NFATC4: variants seen among roughly 807,000 people sequenced by gnomAD.
NFATC4 encodes the protein nuclear factor of activated T cells 4, also known as nuclear factor of activated T-cells, cytoplasmic 4.
In NFATC4, 25 loss-of-function variants were observed where a neutral mutation model predicts 73.4. That is an observed-to-expected ratio of 0.34 (90% CI 0.25 to 0.48). The LOEUF is 0.48. Ranked by LOEUF, NFATC4 falls within the 20% of genes least tolerant of loss-of-function variation. NFATC4 has a pLI of 0.99. For synonymous variants in NFATC4, 523 were observed against 510.3 expected, an observed-to-expected ratio of 1.02 and a Z score of -0.34; for missense variants, 1,130 against 1,203.7, an observed-to-expected ratio of 0.94 and a Z score of 0.91.
In NFATC4 at chr14:24,378,040, C is replaced by A; in HGVS notation, c.*335C>A. The A allele has an allele frequency of 2.6e-6, 1 of 386,956 alleles. No homozygotes were observed. The highest frequency in any genetic ancestry group is 4.8e-5 in the East Asian group (1 of 20,678). 24.0% of individuals were successfully genotyped at this position (386,956 alleles called of 1,614,324 possible). On this transcript the variant is annotated 3_prime_UTR_variant, in exon 10 of 10. Coordinates refer to ENST00000250373, the MANE Select transcript of NFATC4 (RefSeq NM_004554.5). ...CTGGGGACAGGTTGATGGTAATAAA[C>A]TGCTCAATGACCAGTGCTTCAGGCT...
intron 1 of NFATC4, chr14:24,368,923 C>G (rs1342750822): frequency 6.5e-5 from 31 of 479,972 alleles, no homozygotes; most frequent in Non-Finnish European, 8.4e-5. Flanking sequence ...CGGCGGCCGC[C>G]GCTCGCACGA....
chr14:24,370,462 C>T lies in NFATC4; in HGVS notation c.1064C>T (p.Pro355Leu), dbSNP rs1007569041. 5.6e-6 allele frequency: 9 copies of T among 1,614,150 alleles called. No individual in the cohort carries two copies. Among genetic ancestry groups the T allele is most frequent in the Non-Finnish European group, 7.6e-6 (9 of 1,180,022 alleles). The change falls in exon 2 of 10, where the codon CCC (proline) becomes CTC (leucine). Residue 355 changes from proline (P) to leucine (L), a missense_variant. Physicochemically the swap from Pro to Leu is moderately conservative, Grantham distance 98. Transcript: ENST00000250373. ...EEPASCNGKL[P>L]LGAEESVAPP... ...CCTGCCTCATGCAATGGGAAGCTGCCCTTGGGAGCAGAGGAGTCTGTGGCT... is the reference window on the plus strand; with the variant it reads ...CCTGCCTCATGCAATGGGAAGCTGCTCTTGGGAGCAGAGGAGTCTGTGGCT...
intron 6 of NFATC4, among the ~76,000 whole-genome samples, chr14:24,374,891 G>C (rs185840810): frequency 1.7e-3 from 266 of 152,236 alleles, no homozygotes; most frequent in Middle Eastern, 3.4e-3. Context: ...CTGAGGGTTT[G>C]AGTTGCCAGC....
chr14:24,378,035 A>G lies in NFATC4; in HGVS notation c.*330A>G. 2.4e-6 allele frequency: 1 copy of G among 408,566 alleles called. No homozygotes were observed. The highest frequency in any genetic ancestry group is 4.5e-6 in the Non-Finnish European group (1 of 220,878). 25.3% of individuals were successfully genotyped at this position (408,566 alleles called of 1,614,324 possible). A position where few individuals can be genotyped will look rare whatever the true frequency, so the allele number is the denominator to read the frequency against. ...GAAAGCTGGGGACAGGTTGATGGTA[A>G]TAAACTGCTCAATGACCAGTGCTTC... On this transcript the variant is annotated 3_prime_UTR_variant, in exon 10 of 10. Transcript: ENST00000250373.
Position 24,370,355 on chromosome 14 carries a change from G to A in NFATC4, c.957G>A (p.Gly319=), listed in dbSNP as rs760319993. The change falls in exon 2 of 10, where the codon GGG becomes GGA. Residue 319 remains glycine, a synonymous_variant. Transcript: ENST00000250373. Reference sequence around the variant, plus strand: ...CCCCTGGTCCCTTTGACTATGTGGGGGCCCCACCAGCTGAGAGCATCCCTC... The same window carrying A: ...CCCCTGGTCCCTTTGACTATGTGGGAGCCCCACCAGCTGAGAGCATCCCTC... ...PGSPGPFDYV[G]APPAESIPQK... The A allele has an allele frequency of 6.2e-7, 1 of 1,613,736 alleles. No individual in the cohort carries two copies. Among genetic ancestry groups the A allele is most frequent in the Non-Finnish European group, 8.5e-7 (1 of 1,179,932 alleles).
chr14:24,376,627 C>T lies in NFATC4; in HGVS notation c.2390C>T (p.Ser797Phe), dbSNP rs1305885085. The change falls in exon 9 of 10, where the codon TCC (serine) becomes TTC (phenylalanine). Residue 797 changes from serine to phenylalanine, a missense_variant. Transcript: ENST00000250373. The surrounding 1 kb of genome is among the most constrained non-coding windows in gnomAD (Gnocchi z 5.0). ...FPSDPYGGRG[S>F]SFSLGLPFSP... ...AGTGACCCGTATGGAGGGCGGGGCT[C>T]CTCTTTCTCCCTGGGGCTGCCATTC... 1 of 1,613,668 alleles carries T rather than the reference C, an allele frequency of 6.2e-7. No individual in the cohort carries two copies.
In NFATC4 at chr14:24,376,000, A is replaced by C. The variant is rs753691970; in HGVS notation, c.1955A>C (p.Glu652Ala). ...GTGACGCTGACCCTGACTGTCCCCG[A>C]GTACAGCAACAAGAGGGTTTCCCGG... ...NEVTLTLTVP[E>A]YSNKRVSRPV... The change falls in exon 8 of 10, where the codon GAG (glutamate) becomes GCG (alanine). Residue 652 changes from glutamate (E) to alanine (A), a missense_variant. By Grantham distance (107) the Glu-to-Ala change is moderately radical. This residue lies in a region of NFATC4 where 390 missense variants were observed against 408.1 expected (regional missense o/e 0.96). Coordinates refer to ENST00000250373, the MANE Select transcript of NFATC4 (RefSeq NM_004554.5). The C allele has an allele frequency of 5.0e-6, 8 of 1,614,006 alleles. No individual in the cohort carries two copies. The highest frequency in any genetic ancestry group is 6.8e-6 in the Non-Finnish European group (8 of 1,179,970).
rs1216005113 is a variant in NFATC4, at chr14:24,376,981, G to C, written c.2641+103G>C. ...GGCTTTTCAGAGATCGGGCATCCCT[G>C]GTCTCTCAGGGCCAGTTGGAGGTTC... On this transcript the variant is annotated intron_variant, in intron 9 of 9. Transcript: ENST00000250373. This position sits in a 1 kb window ranked among gnomAD's most constrained non-coding sequence, Gnocchi z 5.0. 7.0e-7 allele frequency: 1 copy of C among 1,418,556 alleles called. No homozygotes were observed. The highest frequency in any genetic ancestry group is 9.2e-7 in the Non-Finnish European group (1 of 1,090,532). The allele number at this position is 1,418,556 out of a possible 1,614,324, so 87.9% of individuals were successfully genotyped here. A position where few individuals can be genotyped will look rare whatever the true frequency, so the allele number is the denominator to read the frequency against.
chr14:24,368,466 T>C, intron 1 of NFATC4, 26 bp downstream of exon 1: 1 of 1,270,166 alleles, frequency 7.9e-7, no homozygotes, highest in East Asian at 3.2e-5. Context: ...GGAAGGGGTC[T>C]TGGGGTCAGT....
At position 24,376,933 on chromosome 14, in the gene NFATC4, A is replaced by C. The variant is rs1254506324; in HGVS notation, c.2641+55A>C. 1 of 1,462,078 alleles carries C rather than the reference A, an allele frequency of 6.8e-7. No homozygotes were observed. The highest frequency in any genetic ancestry group is 1.4e-5 in the African/African-American group (1 of 69,996). The allele number at this position is 1,462,078 out of a possible 1,614,324, so 90.6% of individuals were successfully genotyped here. A position where few individuals can be genotyped will look rare whatever the true frequency, so the allele number is the denominator to read the frequency against. On this transcript the variant is annotated intron_variant, in intron 9 of 9. Transcript: ENST00000250373. This position sits in a 1 kb window ranked among gnomAD's most constrained non-coding sequence, Gnocchi z 5.0. ...GAGTGTGTGCAAGAGATTGCTCTGC[A>C]TGTTTGCTGAGGGCTGGAGCTGGGC...
In NFATC4 at chr14:24,376,492, C is replaced by CG; in HGVS notation, c.2259dup (p.Pro754AlafsTer14). On this transcript the variant is annotated frameshift_variant, in exon 9 of 10. Transcript: ENST00000250373. LOFTEE classifies it high-confidence loss of function. The surrounding 1 kb of genome is among the most constrained non-coding windows in gnomAD (Gnocchi z 5.0). ...GGCATGCCCCCTCTGTACCCCCAGACGGGGCCCCCACCATCCTACAGACCG... is the reference window on the plus strand; with the variant it reads ...GGCATGCCCCCTCTGTACCCCCAGACGGGGGCCCCCACCATCCTACAGACCG... The CG allele has an allele frequency of 6.2e-7, 1 of 1,613,600 alleles. No homozygotes were observed. The highest frequency in any genetic ancestry group is 8.5e-7 in the Non-Finnish European group (1 of 1,179,738).
rs2042645780 is a variant in NFATC4 at position 24,377,119 on chromosome 14, C to T, written c.2641+241C>T. ...CTCCTGTCTCTGCCTCTGTCCTCTG[C>T]TCCAAATCATAAAATCTCAGAGCTA... On this transcript the variant is annotated intron_variant, in intron 9 of 9. Transcript: ENST00000250373. This position sits in a 1 kb window ranked among gnomAD's most constrained non-coding sequence, Gnocchi z 4.2. 5.4e-6 allele frequency: 7 copies of T among 1,301,218 alleles called. No homozygotes were observed. Among genetic ancestry groups the T allele is most frequent in the Non-Finnish European group, 5.8e-6 (6 of 1,030,068 alleles). The allele number at this position is 1,301,218 out of a possible 1,614,324, so 80.6% of individuals were successfully genotyped here. A position where few individuals can be genotyped will look rare whatever the true frequency, so the allele number is the denominator to read the frequency against.
Position 24,376,068 on chromosome 14 carries a change from C to T in NFATC4, c.2023C>T (p.Arg675Cys), listed in dbSNP as rs749530059. Residue 675 changes from arginine to cysteine, a missense_variant, in exon 8 of 10, where the codon CGC (arginine) becomes TGC (cysteine). Arg to Cys is a radical substitution (Grantham distance 180). Transcript: ENST00000250373. The surrounding 1 kb of genome is among the most constrained non-coding windows in gnomAD (Gnocchi z 5.0). ...TTATGTCTCCAATGGGCGGAGGAAA[C>T]GCAGTCCTACCCAGAGTTTCAGGTT... ...YFYVSNGRRK[R>C]SPTQSFRFLP... is the part of the protein sequence containing the mutation. 1.2e-5 allele frequency: 20 copies of T among 1,614,054 alleles called. No individual in the cohort carries two copies. The Middle Eastern group carries it at 5.0e-4, about 40-fold the overall frequency.
At chr14:24,371,542 A>T (rs2042471896) in intron 2 of NFATC4, among the ~76,000 whole-genome samples, 1 of 152,206 alleles carries the variant, frequency 6.6e-6, no homozygotes, top group East Asian at 1.9e-4. Flanking sequence ...CAGGGAGCAC[A>T]ATACAGGATA....
intron 6 of NFATC4, 177 bp downstream of exon 6, chr14:24,374,643 A>C: frequency 1.7e-6 from 1 of 575,828 alleles, no homozygotes; most frequent in Non-Finnish European, 3.0e-6. Flanking sequence ...GATGGGTATG[A>C]CAGCAATCTA....
At chr14:24,366,928 G>C (rs1315803792), upstream of NFATC4, 2 of 1,530,814 alleles carry the variant, frequency 1.3e-6, no homozygotes, top group Non-Finnish European at 1.8e-6. Flanking sequence ...TCTGACCTGG[G>C]GCCGTCGCTT....
Position 24,376,048 on chromosome 14 carries a change from T to C in NFATC4, c.2003T>C (p.Val668Ala). The change falls in exon 8 of 10, where the codon GTC (valine) becomes GCC (alanine). Residue 668 changes from valine to alanine, a missense_variant. Physicochemically the swap from Val to Ala is moderately conservative, Grantham distance 64. Around this residue, in one of 3 missense-constraint regions of NFATC4, gnomAD observed 390 missense variants for 408.1 expected, o/e 0.96. Transcript: ENST00000250373. The surrounding 1 kb of genome is among the most constrained non-coding windows in gnomAD (Gnocchi z 5.0). ...VSRPVQVYFY[V>A]SNGRRKRSPT... is the part of the protein sequence containing the mutation. ...CGGCCAGTCCAGGTCTACTTTTATG[T>C]CTCCAATGGGCGGAGGAAACGCAGT... The C allele has an allele frequency of 6.2e-7, 1 of 1,613,956 alleles. No individual in the cohort carries two copies. The highest frequency in any genetic ancestry group is 8.5e-7 in the Non-Finnish European group (1 of 1,179,950).
rs1435949758 is a variant in NFATC4, at chr14:24,378,411, A to C, written c.*706A>C. 1.3e-5 allele frequency: 2 copies of C among 152,734 alleles called. No individual in the cohort carries two copies. The highest frequency in any genetic ancestry group is 2.9e-5 in the Non-Finnish European group (2 of 68,320). 9.5% of individuals were successfully genotyped at this position (152,734 alleles called of 1,614,324 possible). A position where few individuals can be genotyped will look rare whatever the true frequency, so the allele number is the denominator to read the frequency against. ...AGATGAGGACACACTGATGTAGCTG[A>C]TCTCTCATTTACAGAGGAGGATTCT... On this transcript the variant is annotated 3_prime_UTR_variant, in exon 10 of 10. Coordinates refer to ENST00000250373, the MANE Select transcript of NFATC4 (RefSeq NM_004554.5).
intron 1 of NFATC4, 100 bp downstream of exon 1, chr14:24,368,540 A>T: frequency 1.0e-6 from 1 of 991,570 alleles, no homozygotes; most frequent in Non-Finnish European, 1.2e-6. Context: ...GTGGGGGGTG[A>T]GGGAGTCAGA....
Sources: gnomAD v4.1 joint callset for allele counts (sites outside exome capture counted in the v4.1 genomes callset) on GRCh38, gnomAD v4.1.1 for gene constraint, gnomAD v4.1.1 regional missense constraint, Gnocchi (gnomAD v3.1) non-coding constraint, MANE v1.5 for transcripts, NCBI Gene and HGNC (gene_info 2026-07-23, HGNC 2026-07-21) for gene names.